The following TRAPPC9 variants were observed in gnomAD, a reference collection of about 807,000 sequenced individuals.
TRAPPC9 encodes IKK2 binding protein.
In TRAPPC9, 83 loss-of-function variants were observed where a neutral mutation model predicts 124.0. The observed-to-expected ratio is 0.67, with a 90% confidence interval of 0.56 to 0.80. The LOEUF (loss-of-function observed/expected upper bound fraction) is 0.80, where lower values mean the gene tolerates loss of function less well. TRAPPC9 is among the 30% of genes least tolerant of loss of function. The probability of loss-of-function intolerance (pLI) is 0.00; values close to 1 mark genes in which losing one functional copy is unlikely to be tolerated. For missense variants in TRAPPC9, 1,302 were observed against 1,508.3 expected, an observed-to-expected ratio of 0.86 and a Z score of 2.27; for synonymous variants, 638 against 617.5, an observed-to-expected ratio of 1.03 and a Z score of -0.49.
At chr8:140,436,944 AT>A (rs2070834729) in intron 3 of TRAPPC9, among the ~76,000 whole-genome samples, 1 of 151,958 alleles carries the variant, frequency 6.6e-6, no homozygotes, top group Non-Finnish European at 1.5e-5. Flanking sequence ...AAAAAACTAA[AT>A]TTAAGTCCAT....
At chr8:140,231,490 T>C (rs1032748486) in intron 16 of TRAPPC9, among the ~76,000 whole-genome samples, 22 of 122,798 alleles carry the variant, frequency 1.8e-4, no homozygotes, top group African/African-American at 7.0e-4. Context: ...TCTTTTTTTT[T>C]TTTTTTTTTT....
At chr8:140,429,177 G>A in intron 4 of TRAPPC9, among the ~76,000 whole-genome samples, 1 of 152,000 alleles carries the variant, frequency 6.6e-6, no homozygotes, top group Non-Finnish European at 1.5e-5. Flanking sequence ...CGCTTCCCGG[G>A]TTCAAGCAAT....
At chr8:139,908,213 G>A (rs1322230375) in intron 20 of TRAPPC9, among the ~76,000 whole-genome samples, 2 of 152,134 alleles carry the variant, frequency 1.3e-5, no homozygotes, top group African/African-American at 4.8e-5. Context: ...AAGAGAGATC[G>A]TTCAGGAGAA....
chr8:139,862,573 C>G (rs1828239851), intron 21 of TRAPPC9, among the ~76,000 whole-genome samples: 1 of 152,220 alleles, frequency 6.6e-6, no homozygotes, highest in Non-Finnish European at 1.5e-5. Flanking sequence ...TCTGTTGATT[C>G]CCAAGGAGAA....
intron 17 of TRAPPC9, among the ~76,000 whole-genome samples, chr8:140,129,004 T>TATATA (rs1184610575): frequency 7.3e-6 from 1 of 137,196 alleles, no homozygotes; most frequent in African/African-American, 2.7e-5. Context: ...TATATATATA[T>TATATA]TAAAAAAAAA....
At chr8:139,916,310 G>A (rs1832126095) in intron 19 of TRAPPC9, 1 of 152,072 alleles carries the variant, frequency 6.6e-6, no homozygotes, top group Non-Finnish European at 1.5e-5. Context: ...GATAGATGGT[G>A]GATACAAACG....
intron 2 of TRAPPC9, among the ~76,000 whole-genome samples, chr8:140,440,017 CAT>C (rs995462260): frequency 6.6e-6 from 1 of 152,192 alleles, no homozygotes; most frequent in Non-Finnish European, 1.5e-5. Flanking sequence ...TAAATCCTAT[CAT>C]GTGTAACTCT....
chr8:140,183,967 AGG>A (rs2062287206), intron 17 of TRAPPC9, among the ~76,000 whole-genome samples: 2 of 29,422 alleles, frequency 6.8e-5, no homozygotes, highest in Non-Finnish European at 1.2e-4. Context: ...GGGAGGGAGG[AGG>A]GAGGAGGGAG....
chr8:140,230,324 T>C (rs939706842), intron 16 of TRAPPC9, among the ~76,000 whole-genome samples: 3 of 152,138 alleles, frequency 2.0e-5, no homozygotes, highest in Non-Finnish European at 4.4e-5. Context: ...AAAAAAGAAG[T>C]AGGGCTGGGC....
In TRAPPC9 at chr8:140,220,344, C is replaced by T. The variant is rs1217274725; in HGVS notation, c.2556+1115G>A. Reference sequence around the variant, plus strand: ...TCCGTGCATGTGCCGTGCAGTTGCACTCTGGGGCCTTTGCTGCCTCTGCTG... The same window carrying T: ...TCCGTGCATGTGCCGTGCAGTTGCATTCTGGGGCCTTTGCTGCCTCTGCTG... On this transcript the variant is annotated intron_variant, in intron 17 of 22. Transcript: ENST00000438773. Among the ~76,000 whole-genome samples, 5 of 152,192 alleles carry T rather than the reference C, an allele frequency of 3.3e-5. No individual in the cohort carries two copies. In the East Asian group the frequency reaches 7.7e-4, roughly 23 times the overall value.
At chr8:140,123,818 G>A (rs1237666735) in intron 17 of TRAPPC9, among the ~76,000 whole-genome samples, 1 of 152,236 alleles carries the variant, frequency 6.6e-6, no homozygotes, top group Non-Finnish European at 1.5e-5. Flanking sequence ...AGTATCTGAT[G>A]AATGAATGGA....
intron 21 of TRAPPC9, among the ~76,000 whole-genome samples, chr8:139,810,328 T>C (rs944373092): frequency 2.6e-5 from 4 of 152,046 alleles, no homozygotes; most frequent in Non-Finnish European, 5.9e-5. Flanking sequence ...CCACGGGGCA[T>C]GGGCAGGGAT....
rs574671753 is a variant in TRAPPC9, at chr8:140,131,608, G to A, written c.2556+89851C>T. Among the ~76,000 whole-genome samples, 26 of 152,212 alleles carry A rather than the reference G, an allele frequency of 1.7e-4. No homozygotes were observed. The East Asian group carries it at 2.5e-3, about 15-fold the overall frequency. On this transcript the variant is annotated intron_variant, in intron 17 of 22. Transcript: ENST00000438773. ...CACACCGCTTCTCCTAGACGGCCCC[G>A]TCCTAGACAACCCTGCCACCGAAAA...
intron 5 of TRAPPC9, among the ~76,000 whole-genome samples, chr8:140,407,491 A>C (rs2069535717): frequency 6.6e-6 from 1 of 151,718 alleles, no homozygotes; most frequent in Non-Finnish European, 1.5e-5. Flanking sequence ...TTCTCTGAGG[A>C]GTAAATGATC....
At position 139,816,144 on chromosome 8, in the gene TRAPPC9, A is replaced by C. The variant is rs570649160; in HGVS notation, c.3055+69735T>G. Among the ~76,000 whole-genome samples, 606 of 152,288 alleles carry C rather than the reference A, an allele frequency of 4.0e-3. 2 individuals are homozygous for C. Among genetic ancestry groups the C allele is most frequent in the Non-Finnish European group, 6.9e-3 (472 of 68,022 alleles). ...AGGGCACCAGAGGGCAGCCTTGGTG[A>C]CTGGGGAAGCTTCTGGAAGGGGTGG... On this transcript the variant is annotated intron_variant, in intron 21 of 22. Coordinates refer to ENST00000438773, the MANE Select transcript of TRAPPC9 (RefSeq NM_001160372.4).
chr8:140,392,601 G>A (rs939737793), intron 7 of TRAPPC9, among the ~76,000 whole-genome samples: 3 of 152,210 alleles, frequency 2.0e-5, no homozygotes, highest in Non-Finnish European at 4.4e-5. Context: ...GCTAGCAGAC[G>A]ACGGACACAG....
intron 17 of TRAPPC9, among the ~76,000 whole-genome samples, chr8:140,038,169 G>A (rs1027896012): frequency 3.3e-5 from 5 of 151,940 alleles, no homozygotes; most frequent in Admixed American, 6.6e-5. Context: ...GAGGAACGGA[G>A]AATAAAAAGG....
rs550796485 is a variant in TRAPPC9, at chr8:140,128,520, C to CA, written c.2556+92938dup. On this transcript the variant is annotated intron_variant, in intron 17 of 22. Coordinates refer to ENST00000438773, the MANE Select transcript of TRAPPC9 (RefSeq NM_001160372.4). ...GGGTATAAACTGTGTCCAATTTTTC[C>CA]AAAAAAGTCTGGGTGAGGCAAATTC... 1.1e-4 allele frequency among the ~76,000 whole-genome samples: 17 copies of CA among 152,214 alleles called. No individual in the cohort carries two copies. In the East Asian group the frequency reaches 3.1e-3, roughly 28 times the overall value.
intron 21 of TRAPPC9, among the ~76,000 whole-genome samples, chr8:139,787,138 C>A (rs559279182): frequency 6.6e-6 from 1 of 152,318 alleles, no homozygotes; most frequent in East Asian, 1.9e-4. Flanking sequence ...AAGTCCTTGC[C>A]TTTCTTATGA....
Sources: allele counts gnomAD v4.1 joint callset (sites outside exome capture counted in the v4.1 genomes callset), GRCh38; gene constraint gnomAD v4.1.1; transcripts MANE v1.5; gene names NCBI Gene and HGNC (gene_info 2026-07-23, HGNC 2026-07-21).